ERGIC1: variants seen among roughly 807,000 people sequenced by gnomAD.
ERGIC1 encodes endoplasmic reticulum-Golgi intermediate compartment protein 1.
In ERGIC1, 19 loss-of-function variants were observed where a neutral mutation model predicts 38.3. The ratio of observed to expected loss-of-function variants is 0.50; its 90% CI spans 0.35 to 0.73. ERGIC1 has a LOEUF of 0.73. Ranked by LOEUF, ERGIC1 falls within the 30% of genes least tolerant of loss-of-function variation. The probability of loss-of-function intolerance (pLI) is 0.01; values close to 1 mark genes in which losing one functional copy is unlikely to be tolerated. For synonymous variants in ERGIC1, 124 were observed against 157.6 expected, an observed-to-expected ratio of 0.79 and a Z score of 1.60; for missense variants, 294 against 389.2, an observed-to-expected ratio of 0.76 and a Z score of 2.06.
At chr5:172,857,553 AG>A (rs1761581439) in intron 1 of ERGIC1, among the ~76,000 whole-genome samples, 1 of 151,714 alleles carries the variant, frequency 6.6e-6, no homozygotes. Context: ...CCTGGGACTC[AG>A]TTTCCTCACC....
At chr5:172,929,226 G>T (rs867429376) in intron 7 of ERGIC1, among the ~76,000 whole-genome samples, 3 of 152,064 alleles carry the variant, frequency 2.0e-5, no homozygotes, top group Non-Finnish European at 2.9e-5. Context: ...TAAGAATGCA[G>T]ATTCTGGGCC....
intron 1 of ERGIC1, among the ~76,000 whole-genome samples, chr5:172,866,183 G>C (rs1014602556): frequency 6.6e-6 from 1 of 152,152 alleles, no homozygotes; most frequent in South Asian, 2.1e-4. Context: ...ATGCTCTAGA[G>C]GTCAAGACAG....
At chr5:172,945,552 G>A (rs73327078) in intron 9 of ERGIC1, among the ~76,000 whole-genome samples, 14,615 of 152,164 alleles carry the variant, frequency 0.096, 2,007 homozygotes, top group African/African-American at 0.3. Flanking sequence ...CCCATTTCTT[G>A]GCCATAAGGT....
intron 1 of ERGIC1, among the ~76,000 whole-genome samples, chr5:172,860,540 C>T (rs552993002): frequency 9.8e-5 from 15 of 152,344 alleles, no homozygotes; most frequent in East Asian, 1.9e-4. Flanking sequence ...ACTGCATGCA[C>T]GGGAGCTCTT....
intron 1 of ERGIC1, among the ~76,000 whole-genome samples, chr5:172,853,101 CTG>C (rs35539327): frequency 0.16 from 24,989 of 151,874 alleles, 2,209 homozygotes; most frequent in East Asian, 0.33. Context: ...ATGTGTGAAA[CTG>C]TGTGTTCATG....
At position 172,864,632 on chromosome 5, in the gene ERGIC1, A is replaced by T. The variant is rs1761805475; in HGVS notation, c.21-24067A>T. Among the ~76,000 whole-genome samples the T allele has an allele frequency of 3.3e-5, 5 of 151,408 alleles. No individual in the cohort carries two copies. The South Asian group carries it at 6.3e-4, about 19-fold the overall frequency. On this transcript the variant is annotated intron_variant, in intron 1 of 9. Coordinates refer to ENST00000393784, the MANE Select transcript of ERGIC1 (RefSeq NM_001031711.3). Reference sequence around the variant, plus strand: ...ATATAGGGGCTGTCTTTTTTTTTTTAAATGCTGGTTGCAATCTACTACTTT... The same window carrying T: ...ATATAGGGGCTGTCTTTTTTTTTTTTAATGCTGGTTGCAATCTACTACTTT...
intron 1 of ERGIC1, among the ~76,000 whole-genome samples, chr5:172,880,606 G>T (rs904400259): frequency 1.3e-5 from 2 of 152,312 alleles, no homozygotes; most frequent in South Asian, 4.1e-4. Flanking sequence ...GATGACAGGC[G>T]TGGGCACCAC....
At chr5:172,883,983 G>A (rs991995647) in intron 1 of ERGIC1, among the ~76,000 whole-genome samples, 1 of 152,072 alleles carries the variant, frequency 6.6e-6, no homozygotes, top group African/African-American at 2.4e-5. Context: ...TGTCCCTCCA[G>A]CCCCCATCAA....
At chr5:172,924,444 G>A (rs1221322452) in intron 6 of ERGIC1, among the ~76,000 whole-genome samples, 1 of 152,238 alleles carries the variant, frequency 6.6e-6, no homozygotes, top group Non-Finnish European at 1.5e-5. Context: ...GGGCTCGCTT[G>A]GCAGCTGAGA....
intron 1 of ERGIC1, among the ~76,000 whole-genome samples, chr5:172,875,598 C>G (rs1762123918): frequency 6.6e-6 from 1 of 152,084 alleles, no homozygotes; most frequent in Admixed American, 6.6e-5. Flanking sequence ...CTACCTATTG[C>G]CTGTGGGCTT....
intron 5 of ERGIC1, among the ~76,000 whole-genome samples, chr5:172,920,820 C>A (rs7735726): frequency 0.35 from 52,792 of 152,116 alleles, 9,545 homozygotes; most frequent in Non-Finnish European, 0.4. Flanking sequence ...GCGTAGAAAA[C>A]CTCTGGGAGG....
intron 9 of ERGIC1, chr5:172,935,514 G>C: frequency 3.4e-6 from 2 of 596,294 alleles, no homozygotes; most frequent in Non-Finnish European, 5.7e-6. Context: ...ATGACGTTTT[G>C]TCTAGAAAGT....
At chr5:172,853,115 C>T (rs1412354908) in intron 1 of ERGIC1, among the ~76,000 whole-genome samples, 1 of 152,160 alleles carries the variant, frequency 6.6e-6, no homozygotes, top group Non-Finnish European at 1.5e-5. Flanking sequence ...GTGTTCATGC[C>T]TTTGCTGCAG....
At chr5:172,909,617 G>A in intron 3 of ERGIC1, 50 bp from the exon 4 acceptor site, 2 of 1,560,680 alleles carry the variant, frequency 1.3e-6, no homozygotes, top group Non-Finnish European at 1.8e-6. Flanking sequence ...CCGCAGCTGA[G>A]ATCTTTGCCG....
At chr5:172,950,069 AAG>A (rs1289671554) in intron 9 of ERGIC1, among the ~76,000 whole-genome samples, 2 of 152,140 alleles carry the variant, frequency 1.3e-5, no homozygotes, top group Admixed American at 6.5e-5. Context: ...AAAAAAGAAA[AAG>A]AAAAAGAAAC....
chr5:172,934,600 C>T (rs1274977964), intron 8 of ERGIC1: 1 of 161,830 alleles, frequency 6.2e-6, no homozygotes, highest in East Asian at 1.7e-4. Flanking sequence ...CAGAATGTCC[C>T]CTCCCCAGTC....
intron 9 of ERGIC1, among the ~76,000 whole-genome samples, chr5:172,949,417 G>A (rs1764185654): frequency 6.6e-6 from 1 of 152,218 alleles, no homozygotes; most frequent in Non-Finnish European, 1.5e-5. Context: ...TTGAGCTGGG[G>A]ATTCACTGGG....
rs1561727208 is a variant in ERGIC1, at chr5:172,903,991, T to TCAC, written c.156-5676_156-5675insCAC. The stretch of plus-strand genomic sequence containing the variant: ...CATACACACACACACACACACACAT[T>TCAC]GACTCACACTAACATACACACACTC... On this transcript the variant is annotated intron_variant, in intron 3 of 9. Transcript: ENST00000393784. Among the ~76,000 whole-genome samples, 229 of 95,148 alleles carry TCAC rather than the reference T, an allele frequency of 2.4e-3. 1 individual carries two copies. The highest frequency in any genetic ancestry group is 7.3e-3 in the African/African-American group (197 of 27,080). 62.4% of individuals were successfully genotyped at this position (95,148 alleles called of 152,430 possible). A position where few individuals can be genotyped will look rare whatever the true frequency, so the allele number is the denominator to read the frequency against.
At chr5:172,883,357 C>A (rs1310976905) in intron 1 of ERGIC1, among the ~76,000 whole-genome samples, 1 of 152,148 alleles carries the variant, frequency 6.6e-6, no homozygotes, top group Non-Finnish European at 1.5e-5. Context: ...CCCTGATGGC[C>A]TTTTTCTGAT....
Sources: gnomAD v4.1 joint callset for allele counts (sites outside exome capture counted in the v4.1 genomes callset) on GRCh38, gnomAD v4.1.1 for gene constraint, MANE v1.5 for transcripts, NCBI Gene and HGNC (gene_info 2026-07-23, HGNC 2026-07-21) for gene names.